The following SCML4 variants were observed in gnomAD, a reference collection of about 807,000 sequenced individuals.
SCML4 encodes the protein sex comb on midleg-like protein 4.
A neutral mutation model predicts 41.1 loss-of-function variants in SCML4; 34 were observed. That is an observed-to-expected ratio of 0.83 (90% CI 0.63 to 1.10). The LOEUF is 1.10. SCML4 is among the 50% of genes least tolerant of loss of function. The pLI is 0.00. For missense variants in SCML4, 522 were observed against 534.1 expected, an observed-to-expected ratio of 0.98 and a Z score of 0.22; for synonymous variants, 214 against 220.9, an observed-to-expected ratio of 0.97 and a Z score of 0.28.
At chr6:107,788,253 G>T (rs2114608640) in intron 1 of SCML4, among the ~76,000 whole-genome samples, 1 of 152,340 alleles carries the variant, frequency 6.6e-6, no homozygotes, top group Non-Finnish European at 1.5e-5. Flanking sequence ...AAGCAGAATA[G>T]CAGAGTGACT....
chr6:107,751,572 A>ATCTTCCTTTCTTTCTTTCTTTCTT (rs1397888384), intron 2 of SCML4, among the ~76,000 whole-genome samples: 1 of 87,670 alleles, frequency 1.1e-5, no homozygotes, highest in African/African-American at 4.4e-5. Context: ...CATTTTAACA[A>ATCTTCCTTTCTTTCTTTCTTTCTT]TCTTTCTTTC....
At chr6:107,801,107 T>G (rs908409247) in intron 1 of SCML4, among the ~76,000 whole-genome samples, 3 of 152,230 alleles carry the variant, frequency 2.0e-5, no homozygotes, top group African/African-American at 7.2e-5. Context: ...CTATTCCAAT[T>G]GCCAATGTGG....
At chr6:107,845,048 T>TA in the SCML4 span, among the ~76,000 whole-genome samples, 1 of 151,626 alleles carries the variant, frequency 6.6e-6, no homozygotes, top group African/African-American at 2.4e-5. Flanking sequence ...CCAGCCTGGC[T>TA]AACATGGTGA....
chr6:107,747,588 T>C (rs888818006), intron 3 of SCML4, among the ~76,000 whole-genome samples: 1 of 149,390 alleles, frequency 6.7e-6, no homozygotes, highest in Non-Finnish European at 1.5e-5. Flanking sequence ...CTAATTTATA[T>C]AATATAATAT....
chr6:107,753,164 A>AC (rs1562220828), intron 2 of SCML4, among the ~76,000 whole-genome samples: 1 of 151,918 alleles, frequency 6.6e-6, no homozygotes. Flanking sequence ...CAAAATGAAA[A>AC]CCCCCCAGAA....
chr6:107,774,091 A>C (rs1429920244), intron 1 of SCML4, among the ~76,000 whole-genome samples: 1 of 152,212 alleles, frequency 6.6e-6, no homozygotes, highest in African/African-American at 2.4e-5. Context: ...TAGAATTTTA[A>C]AGTATAAATT....
the SCML4 span, among the ~76,000 whole-genome samples, chr6:107,838,819 A>T: frequency 2.6e-5 from 4 of 152,226 alleles, no homozygotes; most frequent in African/African-American, 9.6e-5. Context: ...GCATATGAAA[A>T]AATAATCACT....
intron 1 of SCML4, among the ~76,000 whole-genome samples, chr6:107,773,681 G>C (rs1780698247): frequency 1.3e-5 from 2 of 149,292 alleles, no homozygotes; most frequent in East Asian, 4.0e-4. Context: ...TTGACTCAAA[G>C]AACATAGTGG....
At position 107,772,230 on chromosome 6, in the gene SCML4, G is replaced by A; in HGVS notation, c.98C>T (p.Ala33Val). The change falls in exon 2 of 8, where the codon GCT becomes GTT. Residue 33 changes from alanine to valine, a missense_variant. By Grantham distance (64) the Ala-to-Val change is moderately conservative. Transcript: ENST00000369020. ...GATCTTCACTGCTGGTAAAGAGCCAGCTGAAGCAGAATAAAGGTTATGAAC... is the reference window on the plus strand; with the variant it reads ...GATCTTCACTGCTGGTAAAGAGCCAACTGAAGCAGAATAAAGGTTATGAAC... The part of the protein sequence containing the change: ...MAVHNLYSAS[A>V]GSLPAVKIPK... 4 of 1,551,684 alleles carry A rather than the reference G, an allele frequency of 2.6e-6. No individual in the cohort carries two copies. Among genetic ancestry groups the A allele is most frequent in the East Asian group, 2.4e-5 (1 of 40,922 alleles).
At chr6:107,840,379 T>C in the SCML4 span, among the ~76,000 whole-genome samples, 1 of 152,248 alleles carries the variant, frequency 6.6e-6, no homozygotes, top group Non-Finnish European at 1.5e-5. Flanking sequence ...GATTCCATAA[T>C]AAATATGACA....
At chr6:107,796,143 C>G (rs1316512701) in intron 1 of SCML4, among the ~76,000 whole-genome samples, 1 of 152,168 alleles carries the variant, frequency 6.6e-6, no homozygotes, top group Non-Finnish European at 1.5e-5. Context: ...AAACATTTCT[C>G]TACAAGTCTT....
intron 1 of SCML4, among the ~76,000 whole-genome samples, chr6:107,776,393 C>G (rs1023226161): frequency 1.3e-5 from 2 of 151,914 alleles, no homozygotes; most frequent in Non-Finnish European, 2.9e-5. Context: ...CTCACTCACC[C>G]AATACACACA....
intron 6 of SCML4, among the ~76,000 whole-genome samples, chr6:107,717,159 A>C (rs1008944143): frequency 2.1e-5 from 3 of 145,798 alleles, no homozygotes; most frequent in African/African-American, 7.6e-5. Flanking sequence ...AAAAAAAAAA[A>C]AAAAAAAAAA....
chr6:107,740,753 G>A lies in SCML4; in HGVS notation c.682+4196C>T, dbSNP rs569205209. On this transcript the variant is annotated intron_variant, in intron 5 of 7. Coordinates refer to ENST00000369020, the MANE Select transcript of SCML4 (RefSeq NM_198081.5). ...TGCATTTGTCCATGCCCATGCAAGT[G>A]CAGGTGAGAGATGGTAGGGTCACCA... Among the ~76,000 whole-genome samples the A allele has an allele frequency of 6.9e-4, 105 of 152,348 alleles. 1 individual carries two copies. In the South Asian group the frequency reaches 0.02, roughly 29 times the overall value.
intron 1 of SCML4, among the ~76,000 whole-genome samples, chr6:107,810,157 G>T (rs898071659): frequency 2.6e-5 from 4 of 152,100 alleles, no homozygotes; most frequent in African/African-American, 9.7e-5. Context: ...TGAAGAAGAG[G>T]AGTCTGTGGC....
chr6:107,839,379 AAGAAAG>A, the SCML4 span, among the ~76,000 whole-genome samples: 1 of 149,542 alleles, frequency 6.7e-6, no homozygotes, highest in South Asian at 2.1e-4. Flanking sequence ...GAAAGAAAGA[AAGAAAG>A]AAAGAAAGAA....
intron 1 of SCML4, among the ~76,000 whole-genome samples, chr6:107,788,515 G>C (rs4945789): frequency 0.18 from 26,658 of 152,202 alleles, 2,523 homozygotes; most frequent in African/African-American, 0.23. Flanking sequence ...GCAACATAAA[G>C]ACAGATCATT....
chr6:107,721,883 G>T (rs1231491196), intron 5 of SCML4, among the ~76,000 whole-genome samples: 1 of 152,100 alleles, frequency 6.6e-6, no homozygotes, highest in Non-Finnish European at 1.5e-5. Flanking sequence ...CTTCACAGGA[G>T]AGCTAAAGAG....
At chr6:107,714,257 C>T (rs1056030778) in intron 6 of SCML4, among the ~76,000 whole-genome samples, 3 of 152,158 alleles carry the variant, frequency 2.0e-5, no homozygotes, top group African/African-American at 4.8e-5. Flanking sequence ...CTGAGCTGAG[C>T]GAGATTCCTT....
Sources: gnomAD v4.1 joint callset for allele counts (sites outside exome capture counted in the v4.1 genomes callset) on GRCh38, gnomAD v4.1.1 for gene constraint, MANE v1.5 for transcripts, NCBI Gene and HGNC (gene_info 2026-07-23, HGNC 2026-07-21) for gene names.